TRIM66: variants seen among roughly 807,000 people sequenced by gnomAD.
TRIM66 encodes the protein tripartite motif containing 66.
In TRIM66, 99 loss-of-function variants were observed where a neutral mutation model predicts 148.2. The observed-to-expected ratio is 0.67, with a 90% CI of 0.57 to 0.79. The LOEUF (loss-of-function observed/expected upper bound fraction) is 0.79. TRIM66 is among the 30% of genes least tolerant of loss of function. TRIM66 has a pLI of 0.00. For missense variants in TRIM66, 1,666 were observed against 1,697.9 expected, an observed-to-expected ratio of 0.98 and a Z score of 0.33; for synonymous variants, 616 against 635.9, an observed-to-expected ratio of 0.97 and a Z score of 0.47.
chr11:8,639,348 A>C (rs750085321), intron 14 of TRIM66, among the ~76,000 whole-genome samples: 3 of 152,238 alleles, frequency 2.0e-5, no homozygotes, highest in Admixed American at 6.5e-5. Flanking sequence ...GGTAGAGAAA[A>C]GAGGATAGAA....
At chr11:8,637,019 G>A (rs887061421) in intron 15 of TRIM66, among the ~76,000 whole-genome samples, 7 of 152,028 alleles carry the variant, frequency 4.6e-5, no homozygotes, top group African/African-American at 1.7e-4. Context: ...TTGACTATTT[G>A]TTCTACCCCT....
chr11:8,640,594 A>C lies in TRIM66; in HGVS notation c.1781T>G (p.Phe594Cys). Residue 594 changes from phenylalanine to cysteine, a missense_variant, in exon 14 of 25, where the codon TTT (phenylalanine) becomes TGT (cysteine). Phe to Cys is a radical substitution (Grantham distance 205). Transcript: ENST00000646038. The stretch of plus-strand genomic sequence containing the variant: ...TAGCTGCTGCTGTGGCTGCTGCTGA[A>C]AGTGACTGAGCTTCAGCTTCTGGTG... ...GHHQKLKLSH[F>C]QQQPQQQLPP... 1 of 1,551,252 alleles carries C rather than the reference A, an allele frequency of 6.4e-7. No individual in the cohort carries two copies. Among genetic ancestry groups the C allele is most frequent in the South Asian group, 1.2e-5 (1 of 84,038 alleles).
chr11:8,618,786 C>T lies in TRIM66; in HGVS notation c.4083G>A (p.Gln1361=). ...GCCGCCTCTTGGGTTGGATGCCCTCCTGCATGTAGGGAGGCCACGGGAAGC... is the reference window on the plus strand; with the variant it reads ...GCCGCCTCTTGGGTTGGATGCCCTCTTGCATGTAGGGAGGCCACGGGAAGC... ...PQGFPWPPYM[Q]EGIQPKRRRR... is the part of the protein sequence containing the mutation. Residue 1361 remains glutamine (Q), a synonymous_variant, in exon 24 of 25, where the codon CAG becomes CAA. Coordinates refer to ENST00000646038, the MANE Select transcript of TRIM66 (RefSeq NM_001388022.1). 6.4e-7 allele frequency: 1 copy of T among 1,551,042 alleles called. No individual in the cohort carries two copies. Among genetic ancestry groups the T allele is most frequent in the Non-Finnish European group, 8.7e-7 (1 of 1,146,814 alleles).
intron 6 of TRIM66, among the ~76,000 whole-genome samples, chr11:8,660,731 C>A (rs954682603): frequency 2.0e-5 from 3 of 152,306 alleles, no homozygotes; most frequent in African/African-American, 7.2e-5. Context: ...TTGCTTGTTC[C>A]AAGCCCACGT....
chr11:8,651,323 C>A (rs1565541209), intron 7 of TRIM66, among the ~76,000 whole-genome samples: 2 of 151,888 alleles, frequency 1.3e-5, no homozygotes, highest in African/African-American at 2.4e-5. Flanking sequence ...GGGCTGCCGG[C>A]CAATAAGTGA....
At chr11:8,634,796 T>C (rs560784654) in intron 15 of TRIM66, among the ~76,000 whole-genome samples, 3 of 152,334 alleles carry the variant, frequency 2.0e-5, no homozygotes, top group Non-Finnish European at 2.9e-5. Context: ...AAGGTACTTG[T>C]ACGCAGATGT....
chr11:8,648,005 G>C lies in TRIM66; in HGVS notation c.807C>G (p.Ser269=). ...GVTTQVAHKK[S]SLQTSAKQIE... ...TTTGCTTTGCAGATGTCTGTAGACT[G>C]GATTTCTTATGTGCCACCTGTGTAG... The change falls in exon 10 of 25, where the codon TCC becomes TCG. Residue 269 remains serine, a synonymous_variant. Coordinates refer to ENST00000646038, the MANE Select transcript of TRIM66 (RefSeq NM_001388022.1). 1 of 1,551,824 alleles carries C rather than the reference G, an allele frequency of 6.4e-7. No individual in the cohort carries two copies. Among genetic ancestry groups the C allele is most frequent in the Non-Finnish European group, 8.7e-7 (1 of 1,147,018 alleles).
intron 6 of TRIM66, among the ~76,000 whole-genome samples, chr11:8,656,019 G>A (rs1253732311): frequency 6.6e-6 from 1 of 152,170 alleles, no homozygotes; most frequent in African/African-American, 2.4e-5. Context: ...CAGGGAGGCT[G>A]CGGGCCCCAG....
At position 8,625,039 on chromosome 11, in the gene TRIM66, T is replaced by A; in HGVS notation, c.2500A>T (p.Asn834Tyr). The A allele has an allele frequency of 6.4e-7, 1 of 1,551,614 alleles. No individual in the cohort carries two copies. Among genetic ancestry groups the A allele is most frequent in the South Asian group, 1.2e-5 (1 of 84,050 alleles). ...GTTGTCAGGCTGGGCATGGCCTGGT[T>A]TTGAACACTTGTCAGGCTGGACACC... The part of the protein sequence containing the change: ...KMVSSLTSVQ[N>Y]QAMPSLTTSH... The change falls in exon 16 of 25, where the codon AAC becomes TAC. Residue 834 changes from asparagine to tyrosine, a missense_variant. Asn to Tyr is a moderately radical substitution (Grantham distance 143). This residue lies in a region of TRIM66 where 1,431 missense variants were observed against 1,412.4 expected (regional missense o/e 1.01). Coordinates refer to ENST00000646038, the MANE Select transcript of TRIM66 (RefSeq NM_001388022.1).
intron 3 of TRIM66, among the ~76,000 whole-genome samples, chr11:8,675,940 T>C (rs1334640610): frequency 1.3e-5 from 2 of 152,162 alleles, no homozygotes; most frequent in Non-Finnish European, 2.9e-5. Flanking sequence ...GGTTTCACCA[T>C]GTTGGCCAGG....
Position 8,618,852 on chromosome 11 carries a change from G to A in TRIM66, c.4017C>T (p.Ser1339=), listed in dbSNP as rs1034558928. Reference sequence around the variant, plus strand: ...ATCCACTCTCACTAGACACCTCCTCGGAGTCTGAGTCCTCCTGCCTTGGCT... The same window carrying A: ...ATCCACTCTCACTAGACACCTCCTCAGAGTCTGAGTCCTCCTGCCTTGGCT... ...FAQPRQEDSD[S]EEVSSESGCS... The change falls in exon 24 of 25, where the codon TCC becomes TCT. Residue 1339 remains serine, a synonymous_variant. Transcript: ENST00000646038. 1.9e-5 allele frequency: 30 copies of A among 1,551,256 alleles called. No individual in the cohort carries two copies. The highest frequency in any genetic ancestry group is 5.9e-5 in the Admixed American group (3 of 50,962).
In TRIM66 at chr11:8,642,988, G is replaced by T. The variant is rs766963970; in HGVS notation, c.1222+21C>A. 1.4e-5 allele frequency: 21 copies of T among 1,530,606 alleles called. No homozygotes were observed. In the South Asian group the frequency reaches 2.6e-4, roughly 19 times the overall value. 94.8% of individuals were successfully genotyped at this position (1,530,606 alleles called of 1,614,324 possible). A position where few individuals can be genotyped will look rare whatever the true frequency, so the allele number is the denominator to read the frequency against. ...AAAGCCCACAGGGTGGGTAGGCCTG[G>T]GTGGGTGGGTCCAAGCTCACCAAGA... On this transcript the variant is annotated intron_variant, in intron 13 of 24. Transcript: ENST00000646038.
Position 8,672,337 on chromosome 11 carries a change from C to A in TRIM66, c.-63G>T, listed in dbSNP as rs79679142. 1 of 1,535,702 alleles carries A rather than the reference C, an allele frequency of 6.5e-7. No homozygotes were observed. The highest frequency in any genetic ancestry group is 1.4e-5 in the African/African-American group (1 of 73,142). The stretch of plus-strand genomic sequence containing the variant: ...TTTGTCTGAAGGCGAACAAACCCTT[C>A]AAAAGTGTCCCGTACCTGTGCCTCT... On this transcript the variant is annotated 5_prime_UTR_variant, in exon 5 of 25. Coordinates refer to ENST00000646038, the MANE Select transcript of TRIM66 (RefSeq NM_001388022.1).
intron 17 of TRIM66, 143 bp from the exon 18 acceptor site, chr11:8,623,019 ACAT>A (rs2034455388): frequency 8.7e-6 from 1 of 115,342 alleles, no homozygotes; most frequent in Admixed American, 1.3e-4. Flanking sequence ...AGTCATTCAT[ACAT>A]AGTGGTGACA....
At position 8,670,007 on chromosome 11, in the gene TRIM66, G is replaced by GTTT. The variant is rs752586311; in HGVS notation, c.340+1776_340+1778dup. ...GTAGTTTTTTGTTTTGTCTTGTTTTGTTTTTATTTATTTTTTTTTTTTTGA... is the reference window on the plus strand; with the variant it reads ...GTAGTTTTTTGTTTTGTCTTGTTTTGTTTTTTTTATTTATTTTTTTTTTTTTGA... On this transcript the variant is annotated intron_variant, in intron 6 of 24. Transcript: ENST00000646038. Among the ~76,000 whole-genome samples the GTTT allele has an allele frequency of 2.2e-4, 30 of 138,530 alleles. 1 individual carries two copies. The highest frequency in any genetic ancestry group is 2.5e-4 in the South Asian group (1 of 4,080). The allele number at this position is 138,530 out of a possible 152,430, so 90.9% of individuals were successfully genotyped here. A position where few individuals can be genotyped will look rare whatever the true frequency, so the allele number is the denominator to read the frequency against.
intron 15 of TRIM66, among the ~76,000 whole-genome samples, chr11:8,636,291 T>C (rs1413190581): frequency 6.8e-6 from 1 of 146,848 alleles, no homozygotes; most frequent in Non-Finnish European, 1.5e-5. Context: ...CTTTGAAAAA[T>C]CCCAGCCTCT....
rs1371571209 is a variant in TRIM66, at chr11:8,615,877, C to A, written c.*2067G>T. ...GGAAGGATCAGGTCTGAGCCTGTCACAACACTCACCAGTTGCCCAACACCA... is the reference window on the plus strand; with the variant it reads ...GGAAGGATCAGGTCTGAGCCTGTCAAAACACTCACCAGTTGCCCAACACCA... On this transcript the variant is annotated 3_prime_UTR_variant, in exon 25 of 25. Coordinates refer to ENST00000646038, the MANE Select transcript of TRIM66 (RefSeq NM_001388022.1). The A allele has an allele frequency of 2.0e-5, 3 of 152,230 alleles. No individual in the cohort carries two copies. The highest frequency in any genetic ancestry group is 7.2e-5 in the African/African-American group (3 of 41,434). The allele number at this position is 152,230 out of a possible 1,614,324, so 9.4% of individuals were successfully genotyped here.
In TRIM66 at chr11:8,640,959, T is replaced by C; in HGVS notation, c.1416A>G (p.Pro472=). ...SSSVCCSHCS[P]VSPSLKGQVP... The stretch of plus-strand genomic sequence containing the variant: ...CCTGGCCTTTGAGGGAAGGCGAGAC[T>C]GGGGAGCAGTGGGAGCAGCACACAG... The change falls in exon 14 of 25, where the codon CCA becomes CCG. Residue 472 remains proline, a synonymous_variant. Coordinates refer to ENST00000646038, the MANE Select transcript of TRIM66 (RefSeq NM_001388022.1). The C allele has an allele frequency of 6.4e-7, 1 of 1,551,142 alleles. No homozygotes were observed. The highest frequency in any genetic ancestry group is 1.7e-4 in the Middle Eastern group (1 of 5,722).
At chr11:8,631,527 A>G (rs1298857396) in intron 15 of TRIM66, among the ~76,000 whole-genome samples, 1 of 152,240 alleles carries the variant, frequency 6.6e-6, no homozygotes, top group African/African-American at 2.4e-5. Context: ...AGTGATATCA[A>G]GGAATTTGGA....
Sources: allele counts gnomAD v4.1 joint callset (sites outside exome capture counted in the v4.1 genomes callset), GRCh38; gene constraint gnomAD v4.1.1; regional missense constraint gnomAD v4.1.1; transcripts MANE v1.5; gene names NCBI Gene and HGNC (gene_info 2026-07-23, HGNC 2026-07-21).